Variants in RBPMS2 observed in about 807,000 individuals in gnomAD.
The protein encoded by RBPMS2 is RNA-binding protein with multiple splicing 2.
A neutral mutation model predicts 25.7 loss-of-function variants in RBPMS2; 14 were observed. The observed-to-expected ratio is 0.55, with a 90% confidence interval of 0.36 to 0.85. The LOEUF is 0.85. Among genes scored for constraint, RBPMS2 ranks in the 40% least tolerant of loss-of-function variants. The probability of loss-of-function intolerance (pLI) is 0.01; values close to 1 mark genes in which losing one functional copy is unlikely to be tolerated. For missense variants in RBPMS2, 252 were observed against 283.4 expected, an observed-to-expected ratio of 0.89 and a Z score of 0.80; for synonymous variants, 127 against 115.6, an observed-to-expected ratio of 1.10 and a Z score of -0.63.
intron 1 of RBPMS2, among the ~76,000 whole-genome samples, chr15:64,771,014 T>C (rs2083888985): frequency 6.6e-6 from 1 of 152,194 alleles, no homozygotes; most frequent in African/African-American, 2.4e-5. Flanking sequence ...GGTCAAACTG[T>C]AGCCCCCTTA....
intron 3 of RBPMS2, among the ~76,000 whole-genome samples, 195 bp from the exon 4 acceptor site, chr15:64,749,688 A>G (rs1206689392): frequency 6.6e-6 from 1 of 152,222 alleles, no homozygotes; most frequent in African/African-American, 2.4e-5. Flanking sequence ...TTTAACATGC[A>G]CCAAAAGTCA....
At position 64,748,999 on chromosome 15, in the gene RBPMS2, C is replaced by T. The variant is rs747687411; in HGVS notation, c.418+1G>A. 1 of 1,614,066 alleles carries T rather than the reference C, an allele frequency of 6.2e-7. No homozygotes were observed. Among genetic ancestry groups the T allele is most frequent in the Admixed American group, 1.7e-5 (1 of 60,010 alleles). ...GCCTGCCAGCTCAGAGTGCCACTCA[C>T]AGGGGTCCCGTGCGATGAAGTGTGC... On this transcript the variant is annotated splice_donor_variant, in intron 5 of 7. Coordinates refer to ENST00000300069, the MANE Select transcript of RBPMS2 (RefSeq NM_194272.3). LOFTEE classifies it high-confidence loss of function.
chr15:64,773,437 C>T (rs1263318143), intron 1 of RBPMS2, among the ~76,000 whole-genome samples: 1 of 152,202 alleles, frequency 6.6e-6, no homozygotes, highest in East Asian at 1.9e-4. Flanking sequence ...TTTCCAAGTG[C>T]GCGGATTTGG....
chr15:64,752,746 G>C (rs1363132903), intron 1 of RBPMS2, among the ~76,000 whole-genome samples: 1 of 152,110 alleles, frequency 6.6e-6, no homozygotes, highest in Non-Finnish European at 1.5e-5. Flanking sequence ...ATGTAGCTGG[G>C]ATTACATGCA....
In RBPMS2 at chr15:64,765,700, C is replaced by T. The variant is rs1267171332; in HGVS notation, c.87+9533G>A. On this transcript the variant is annotated intron_variant, in intron 1 of 7. Coordinates refer to ENST00000300069, the MANE Select transcript of RBPMS2 (RefSeq NM_194272.3). ...GTGGCTCACACCTGTAATCCCAGCG[C>T]TCTGGGAGGCCGAGGTGGGCGGATT... 4.6e-5 allele frequency among the ~76,000 whole-genome samples: 7 copies of T among 152,276 alleles called. No individual in the cohort carries two copies. In the East Asian group the frequency reaches 1.4e-3, roughly 29 times the overall value.
chr15:64,750,722 TTA>T (rs1365174787), intron 2 of RBPMS2, among the ~76,000 whole-genome samples: 7 of 152,232 alleles, frequency 4.6e-5, no homozygotes, highest in Non-Finnish European at 8.8e-5. Flanking sequence ...CAAAGATTCT[TTA>T]TATAACCACA....
At chr15:64,747,478 G>A (rs1258350661) in intron 6 of RBPMS2, among the ~76,000 whole-genome samples, 5 of 152,068 alleles carry the variant, frequency 3.3e-5, no homozygotes, top group Admixed American at 6.6e-5. Context: ...CACCCTGGCC[G>A]GGCAGCTCTT....
intron 1 of RBPMS2, 57 bp from the exon 2 acceptor site, chr15:64,751,695 A>C (rs1033831642): frequency 2.8e-6 from 4 of 1,437,114 alleles, no homozygotes; most frequent in Non-Finnish European, 3.9e-6. Context: ...AGGGATGACA[A>C]CAGCGCTTCC....
chr15:64,764,264 C>T (rs2083820870), intron 1 of RBPMS2, among the ~76,000 whole-genome samples: 1 of 152,170 alleles, frequency 6.6e-6, no homozygotes, highest in Non-Finnish European at 1.5e-5. Flanking sequence ...GCAGTTGCCG[C>T]CACTGCCATA....
intron 1 of RBPMS2, among the ~76,000 whole-genome samples, chr15:64,764,151 C>T (rs780359189): frequency 1.2e-4 from 18 of 152,188 alleles, no homozygotes; most frequent in Non-Finnish European, 2.4e-4. Context: ...CTGGGCACCC[C>T]GGCATGGAAG....
At chr15:64,770,668 G>A (rs1394635436) in intron 1 of RBPMS2, among the ~76,000 whole-genome samples, 1 of 152,032 alleles carries the variant, frequency 6.6e-6, no homozygotes, top group Non-Finnish European at 1.5e-5. Context: ...AGACCAAGAT[G>A]TCCCAGATGC....
chr15:64,758,106 G>A (rs1429656073), intron 1 of RBPMS2, among the ~76,000 whole-genome samples: 1 of 152,206 alleles, frequency 6.6e-6, no homozygotes, highest in African/African-American at 2.4e-5. Flanking sequence ...TTTATTACAA[G>A]AATTCAGCAC....
intron 1 of RBPMS2, among the ~76,000 whole-genome samples, chr15:64,768,809 A>G (rs1158540636): frequency 1.6e-5 from 2 of 124,280 alleles, no homozygotes; most frequent in African/African-American, 5.7e-5. Context: ...AAAAAAAAAA[A>G]GGAATTTAAG....
At chr15:64,751,517 A>G in intron 2 of RBPMS2, 44 bp downstream of exon 2, 3 of 1,541,112 alleles carry the variant, frequency 1.9e-6, no homozygotes, top group Middle Eastern at 1.7e-4. Flanking sequence ...CTGCTTCTCC[A>G]GGGTCCCAGG....
intron 1 of RBPMS2, among the ~76,000 whole-genome samples, chr15:64,769,127 A>T (rs2083872998): frequency 6.8e-6 from 1 of 147,234 alleles, no homozygotes; most frequent in Admixed American, 6.7e-5. Context: ...AAAAAAAAGA[A>T]TTTTAAAAAT....
At chr15:64,751,236 G>A (rs1476782187) in intron 2 of RBPMS2, among the ~76,000 whole-genome samples, 1 of 151,826 alleles carries the variant, frequency 6.6e-6, no homozygotes, top group Admixed American at 6.6e-5. Context: ...GGGAGGCTGA[G>A]GCAGGAGAAT....
At chr15:64,774,733 G>GCCGGCCGGCCGC (rs71133475) in intron 1 of RBPMS2, among the ~76,000 whole-genome samples, 1 of 12,944 alleles carries the variant, frequency 7.7e-5, no homozygotes, top group African/African-American at 7.9e-4. Flanking sequence ...GAACCGAGGA[G>GCCGGCCGGCCGC]CCGGCCGGCC....
Position 64,741,213 on chromosome 15 carries a change from G to T in RBPMS2, c.597C>A (p.Thr199=). ...QVRWYPSSDT[T]QQGWKYRQFC The stretch of plus-strand genomic sequence containing the variant: ...ACTGACGGTACTTCCATCCTTGCTG[G>T]GTGGTGTCAGAGGAAGGGTACCAGC... Residue 199 remains threonine (T), a synonymous_variant, in exon 7 of 8, where the codon ACC becomes ACA. Coordinates refer to ENST00000300069, the MANE Select transcript of RBPMS2 (RefSeq NM_194272.3). 6.3e-7 allele frequency: 1 copy of T among 1,592,120 alleles called. No individual in the cohort carries two copies. The highest frequency in any genetic ancestry group is 2.3e-5 in the East Asian group (1 of 43,972).
At chr15:64,770,852 T>G (rs1399460420) in intron 1 of RBPMS2, among the ~76,000 whole-genome samples, 1 of 150,552 alleles carries the variant, frequency 6.6e-6, no homozygotes. Context: ...AGGGCTGACC[T>G]CAAGCCACCC....
Sources: gnomAD v4.1 joint callset for allele counts (sites outside exome capture counted in the v4.1 genomes callset) on GRCh38, gnomAD v4.1.1 for gene constraint, MANE v1.5 for transcripts, NCBI Gene and HGNC (gene_info 2026-07-23, HGNC 2026-07-21) for gene names.